The following FAT3 variants were observed in gnomAD, a reference collection of about 807,000 sequenced individuals.
FAT3 encodes the protein protocadherin Fat 3.
Under a neutral mutation model 310.2 loss-of-function variants are expected in FAT3, and 95 were observed. The observed-to-expected ratio is 0.31, with a 90% CI of 0.26 to 0.36. FAT3 has a LOEUF of 0.36. FAT3 is among the 10% of genes least tolerant of loss of function. The probability of loss-of-function intolerance (pLI) is 1.00; values close to 1 mark genes in which losing one functional copy is unlikely to be tolerated. For synonymous variants in FAT3, 2,314 were observed against 2,192.9 expected (o/e 1.06, Z -1.54); for missense variants, 5,408 against 5,715.6 (o/e 0.95, Z 1.74).
chr11:92,596,575 G>C (rs1939718680), intron 3 of FAT3, among the ~76,000 whole-genome samples: 1 of 152,158 alleles, frequency 6.6e-6, no homozygotes, highest in African/African-American at 2.4e-5. Flanking sequence ...AGTAAACCAT[G>C]GGTACAGTGA....
At chr11:92,697,953 A>G (rs1311912470) in intron 4 of FAT3, among the ~76,000 whole-genome samples, 1 of 152,208 alleles carries the variant, frequency 6.6e-6, no homozygotes, top group East Asian at 1.9e-4. Flanking sequence ...CTACAGCAAA[A>G]TCAACTCTAA....
intron 1 of FAT3, chr11:92,335,948 A>C (rs936394948): frequency 2.8e-6 from 1 of 358,046 alleles, no homozygotes; most frequent in African/African-American, 2.1e-5. Flanking sequence ...TTTTTTTTTC[A>C]GACTTTCAGC....
In FAT3 at chr11:92,242,243, T is replaced by C. The variant is rs143551566; in HGVS notation, c.-18+17069T>C. On this transcript the variant is annotated intron_variant, in intron 1 of 27. Coordinates refer to ENST00000525166, the MANE Select transcript of FAT3 (RefSeq NM_001367949.2). ...TCTTTAAAGATGCTGCTTTAGACTT[T>C]TATAAAACAGACCTTTCCAAAGTGT... Among the ~76,000 whole-genome samples the C allele has an allele frequency of 1.1e-4, 16 of 152,186 alleles. No individual in the cohort carries two copies. The East Asian group carries it at 2.5e-3, about 24-fold the overall frequency.
At chr11:92,826,193 C>T (rs1323976968) in intron 13 of FAT3, among the ~76,000 whole-genome samples, 2 of 152,138 alleles carry the variant, frequency 1.3e-5, no homozygotes, top group African/African-American at 4.8e-5. Context: ...AGAAACAAAA[C>T]ACTGTCTTTT....
intron 18 of FAT3, 144 bp downstream of exon 18, chr11:92,840,903 C>A (rs1948530034): frequency 4.0e-6 from 3 of 753,958 alleles, no homozygotes; most frequent in Non-Finnish European, 5.9e-6. Context: ...ATCTCAAATT[C>A]AATTTCACAC....
At chr11:92,724,097 G>A (rs1944935043) in intron 4 of FAT3, among the ~76,000 whole-genome samples, 1 of 152,148 alleles carries the variant, frequency 6.6e-6, no homozygotes. Flanking sequence ...GTTGTTGGTG[G>A]GTTGTGTTGT....
chr11:92,878,587 TAAGAG>T (rs2136388749), intron 22 of FAT3, among the ~76,000 whole-genome samples: 1 of 103,650 alleles, frequency 9.6e-6, no homozygotes, highest in South Asian at 3.4e-4. Context: ...CTCAGACAGA[TAAGAG>T]AAGATACTAT....
chr11:92,759,537 A>G (rs1378145632), intron 4 of FAT3, among the ~76,000 whole-genome samples: 1 of 152,134 alleles, frequency 6.6e-6, no homozygotes, highest in East Asian at 1.9e-4. Context: ...TGAGTAGGCA[A>G]GCTCCACAGA....
At chr11:92,717,872 A>G (rs1313262608) in intron 4 of FAT3, among the ~76,000 whole-genome samples, 1 of 152,178 alleles carries the variant, frequency 6.6e-6, no homozygotes, top group Non-Finnish European at 1.5e-5. Context: ...CATGATCTTT[A>G]TTATGATATT....
intron 2 of FAT3, among the ~76,000 whole-genome samples, chr11:92,402,499 G>A (rs895892935): frequency 1.3e-5 from 2 of 152,126 alleles, no homozygotes; most frequent in African/African-American, 4.8e-5. Context: ...GGAGGCTGAG[G>A]CAGGCAGATC....
At chr11:92,350,060 G>GA (rs1226450969) in intron 1 of FAT3, among the ~76,000 whole-genome samples, 7 of 151,514 alleles carry the variant, frequency 4.6e-5, no homozygotes, top group African/African-American at 1.7e-4. Flanking sequence ...CTCTATCAAT[G>GA]ACTATTAAAT....
chr11:92,295,625 CTT>C (rs1472462928), intron 1 of FAT3, among the ~76,000 whole-genome samples: 1 of 152,048 alleles, frequency 6.6e-6, no homozygotes, highest in African/African-American at 2.4e-5. Context: ...CTTTTCCTCT[CTT>C]TTCTCCCAAG....
chr11:92,883,508 A>G lies in FAT3; in HGVS notation c.12937+115A>G. 7.5e-7 allele frequency: 1 copy of G among 1,337,458 alleles called. No individual in the cohort carries two copies. The highest frequency in any genetic ancestry group is 1.5e-5 in the African/African-American group (1 of 67,742). The allele number at this position is 1,337,458 out of a possible 1,614,324, so 82.8% of individuals were successfully genotyped here. A position where few individuals can be genotyped will look rare whatever the true frequency, so the allele number is the denominator to read the frequency against. ...CCCCGCATGCAGAGCATTCGCTATG[A>G]CATGTGCTGATGTCGAATGTGCACA... On this transcript the variant is annotated intron_variant, in intron 24 of 27. Transcript: ENST00000525166. The surrounding 1 kb of genome is among the most constrained non-coding windows in gnomAD (Gnocchi z 4.2).
chr11:92,836,382 G>A (rs1356438324), intron 15 of FAT3, among the ~76,000 whole-genome samples, 184 bp from the exon 16 acceptor site: 1 of 152,128 alleles, frequency 6.6e-6, no homozygotes, highest in Non-Finnish European at 1.5e-5. Flanking sequence ...TGCGGGCCTG[G>A]TGCCACCCTC....
chr11:92,627,446 A>G lies in FAT3; in HGVS notation c.3608-69938A>G, dbSNP rs539732246. ...ATAGAGTGGAAGGCAGTCTTTTGTG[A>G]AAGTGTTTCCTGGGATTTAAACTTT... On this transcript the variant is annotated intron_variant, in intron 3 of 27. Transcript: ENST00000525166. Among the ~76,000 whole-genome samples the G allele has an allele frequency of 1.8e-4, 27 of 152,304 alleles. 2 individuals carry two copies. The highest frequency in any genetic ancestry group is 6.8e-3 in the Middle Eastern group (2 of 294).
chr11:92,476,692 C>T (rs1487047291), intron 2 of FAT3, among the ~76,000 whole-genome samples: 1 of 152,144 alleles, frequency 6.6e-6, no homozygotes, highest in African/African-American at 2.4e-5. Context: ...TAAACGAAGA[C>T]ACTCAGAGTG....
chr11:92,743,903 C>T (rs185519731), intron 4 of FAT3, among the ~76,000 whole-genome samples: 14 of 152,298 alleles, frequency 9.2e-5, no homozygotes, highest in African/African-American at 3.4e-4. Flanking sequence ...TGCCCTGCAC[C>T]ACCTCACAAC....
chr11:92,832,969 A>G (rs530788843), intron 14 of FAT3, among the ~76,000 whole-genome samples: 33 of 151,962 alleles, frequency 2.2e-4, no homozygotes, highest in Non-Finnish European at 4.9e-4. Context: ...TCCTTTTCCA[A>G]CTCTGGGGAA....
chr11:92,426,657 G>T (rs973334426), intron 2 of FAT3, among the ~76,000 whole-genome samples: 1 of 152,006 alleles, frequency 6.6e-6, no homozygotes, highest in African/African-American at 2.4e-5. Flanking sequence ...GCTTGTTTTT[G>T]TCAGGTTTGT....
Sources: allele counts gnomAD v4.1 joint callset (sites outside exome capture counted in the v4.1 genomes callset), GRCh38; gene constraint gnomAD v4.1.1; non-coding constraint Gnocchi (gnomAD v3.1); transcripts MANE v1.5; gene names NCBI Gene and HGNC (gene_info 2026-07-23, HGNC 2026-07-21).